The following CCBE1 variants were observed in gnomAD, a reference collection of about 807,000 sequenced individuals.
CCBE1 encodes collagen and calcium binding EGF domains 1.
CCBE1 carries 37 observed loss-of-function variants against 50.0 expected under a neutral mutation model. The observed-to-expected ratio is 0.74, with a 90% CI of 0.57 to 0.97. The LOEUF is 0.97. Among genes scored for constraint, CCBE1 ranks in the 50% least tolerant of loss-of-function variants. The probability of loss-of-function intolerance (pLI) is 0.00; values close to 1 mark genes in which losing one functional copy is unlikely to be tolerated. For synonymous variants in CCBE1, 234 were observed against 203.7 expected, an observed-to-expected ratio of 1.15 and a Z score of -1.27; for missense variants, 538 against 523.8, an observed-to-expected ratio of 1.03 and a Z score of -0.26.
chr18:59,550,051 T>A (rs968597873), intron 2 of CCBE1, among the ~76,000 whole-genome samples: 2 of 152,216 alleles, frequency 1.3e-5, no homozygotes, highest in South Asian at 4.1e-4. Flanking sequence ...CCTTAAAGCA[T>A]CTCTGGGTCC....
intron 2 of CCBE1, among the ~76,000 whole-genome samples, chr18:59,678,983 A>AAAATGTT (rs1195775986): frequency 6.6e-6 from 1 of 152,246 alleles, no homozygotes; most frequent in South Asian, 2.1e-4. Flanking sequence ...AAAAATAAAT[A>AAAATGTT]AAATGTTAGC....
At chr18:59,533,747 A>C (rs573028255) in intron 2 of CCBE1, among the ~76,000 whole-genome samples, 1 of 152,082 alleles carries the variant, frequency 6.6e-6, no homozygotes, top group East Asian at 1.9e-4. Flanking sequence ...CACAATTGTT[A>C]TTTTCTTTAA....
intron 2 of CCBE1, among the ~76,000 whole-genome samples, chr18:59,560,726 G>T (rs1025035972): frequency 6.6e-6 from 1 of 152,204 alleles, no homozygotes; most frequent in Admixed American, 6.5e-5. Context: ...TGCCCTTCTG[G>T]CTCATAAGAG....
chr18:59,593,607 A>G (rs11874466), intron 2 of CCBE1, among the ~76,000 whole-genome samples: 9,674 of 152,278 alleles, frequency 0.064, 925 homozygotes, highest in African/African-American at 0.21. Context: ...GTGTTCTTAC[A>G]TAAGAGCTGA....
At chr18:59,457,108 C>T (rs1911230275) in intron 5 of CCBE1, among the ~76,000 whole-genome samples, 1 of 152,158 alleles carries the variant, frequency 6.6e-6, no homozygotes, top group Admixed American at 6.5e-5. Context: ...ACACTTGAAC[C>T]TCTGCAAAAG....
At position 59,544,198 on chromosome 18, in the gene CCBE1, A is replaced by G. The variant is rs149421244; in HGVS notation, c.213-63960T>C. ...AATATTTTAATTGTATCAGCCACAT[A>G]GTAGGTGATTTTTCTAACTCCCAGA... On this transcript the variant is annotated intron_variant, in intron 2 of 10. Coordinates refer to ENST00000439986, the MANE Select transcript of CCBE1 (RefSeq NM_133459.4). 2.0e-5 allele frequency among the ~76,000 whole-genome samples: 3 copies of G among 152,176 alleles called. No homozygotes were observed. In the East Asian group the frequency reaches 5.8e-4, roughly 29 times the overall value.
chr18:59,437,383 C>A (rs1205009066), intron 10 of CCBE1, among the ~76,000 whole-genome samples: 5 of 152,184 alleles, frequency 3.3e-5, no homozygotes, highest in Admixed American at 3.3e-4. Flanking sequence ...GTAGCCACTT[C>A]AGGGATGGCA....
intron 3 of CCBE1, among the ~76,000 whole-genome samples, chr18:59,473,407 T>C (rs79464143): frequency 0.015 from 2,237 of 152,304 alleles, 34 homozygotes; most frequent in Non-Finnish European, 0.024. Flanking sequence ...TTAGGACTTA[T>C]ATGGTACCAC....
chr18:59,577,891 A>T (rs932943293), intron 2 of CCBE1, among the ~76,000 whole-genome samples: 1 of 152,236 alleles, frequency 6.6e-6, no homozygotes, highest in Non-Finnish European at 1.5e-5. Context: ...CAACCAGGAC[A>T]TAGACATGGG....
In CCBE1 at chr18:59,431,693, TACTC is replaced by T. The variant is rs1298768264; in HGVS notation, c.*4211_*4214del. 3 of 152,290 alleles carry T rather than the reference TACTC, an allele frequency of 2.0e-5. No homozygotes were observed. The highest frequency in any genetic ancestry group is 4.8e-5 in the African/African-American group (2 of 41,468). The allele number at this position is 152,290 out of a possible 1,614,324, so 9.4% of individuals were successfully genotyped here. On this transcript the variant is annotated 3_prime_UTR_variant, in exon 11 of 11. Transcript: ENST00000439986. The stretch of plus-strand genomic sequence containing the variant: ...TCTTCGCTGGTATTTGGTGGGGTAA[TACTC>T]ACCTTTCCTTCCTTCCAAAACCAAT...
intron 3 of CCBE1, among the ~76,000 whole-genome samples, chr18:59,478,074 A>G (rs1912396947): frequency 6.6e-6 from 1 of 152,144 alleles, no homozygotes; most frequent in African/African-American, 2.4e-5. Flanking sequence ...TCTTAATAGA[A>G]AAAACCTGAC....
At chr18:59,513,510 T>C (rs1399665767) in intron 2 of CCBE1, among the ~76,000 whole-genome samples, 1 of 152,142 alleles carries the variant, frequency 6.6e-6, no homozygotes, top group East Asian at 1.9e-4. Flanking sequence ...CTAACTTCAG[T>C]GTGGAACTTC....
intron 2 of CCBE1, among the ~76,000 whole-genome samples, chr18:59,491,835 C>CAAATAAACAAACAA (rs71177029): frequency 8.1e-4 from 121 of 148,742 alleles, no homozygotes; most frequent in Admixed American, 2.3e-3. Context: ...AACAAACAAA[C>CAAATAAACAAACAA]AAAAAAAAAC....
chr18:59,519,887 TA>T (rs1914526972), intron 2 of CCBE1, among the ~76,000 whole-genome samples: 1 of 152,236 alleles, frequency 6.6e-6, no homozygotes, highest in African/African-American at 2.4e-5. Context: ...GTTTTCTGCA[TA>T]TAGCTAGCCA....
chr18:59,503,289 A>G (rs1913712430), intron 2 of CCBE1, among the ~76,000 whole-genome samples: 1 of 152,242 alleles, frequency 6.6e-6, no homozygotes, highest in Admixed American at 6.5e-5. Context: ...AACAGCAGCT[A>G]CCATTTACGT....
At chr18:59,508,709 C>T (rs1231217353) in intron 2 of CCBE1, among the ~76,000 whole-genome samples, 33 of 106,144 alleles carry the variant, frequency 3.1e-4, no homozygotes, top group African/African-American at 1.2e-3. Context: ...CATAGAGTTA[C>T]GCTTTTTTTT....
At chr18:59,547,527 A>C (rs565534511) in intron 2 of CCBE1, among the ~76,000 whole-genome samples, 1 of 152,322 alleles carries the variant, frequency 6.6e-6, no homozygotes, top group East Asian at 1.9e-4. Flanking sequence ...CCACAAGAAC[A>C]GAGCAATTTA....
intron 2 of CCBE1, among the ~76,000 whole-genome samples, chr18:59,506,208 A>G (rs1476299393): frequency 6.6e-6 from 1 of 152,192 alleles, no homozygotes; most frequent in African/African-American, 2.4e-5. Context: ...GTAAAGATGG[A>G]GGCAGAGATT....
chr18:59,552,843 G>A (rs770067794), intron 2 of CCBE1, among the ~76,000 whole-genome samples: 5 of 152,144 alleles, frequency 3.3e-5, no homozygotes, highest in African/African-American at 9.7e-5. Flanking sequence ...TGAATGTTTC[G>A]ATTTGGTTAA....
Sources: allele counts gnomAD v4.1 joint callset (sites outside exome capture counted in the v4.1 genomes callset), GRCh38; gene constraint gnomAD v4.1.1; transcripts MANE v1.5; gene names NCBI Gene and HGNC (gene_info 2026-07-23, HGNC 2026-07-21).